PODXL: variants seen among roughly 807,000 people sequenced by gnomAD.
The protein encoded by PODXL is podocalyxin.
Under a neutral mutation model 48.9 loss-of-function variants are expected in PODXL, and 20 were observed. That is an observed-to-expected ratio of 0.41 (90% CI 0.29 to 0.59). The LOEUF (loss-of-function observed/expected upper bound fraction) is 0.59, where lower values mean the gene tolerates loss of function less well. PODXL is among the 20% of genes least tolerant of loss of function. PODXL has a pLI of 0.31. For synonymous variants in PODXL, 295 were observed against 287.4 expected (o/e 1.03, Z -0.27); for missense variants, 606 against 675.1 (o/e 0.90, Z 1.13).
intron 1 of PODXL, among the ~76,000 whole-genome samples, chr7:131,555,051 C>A (rs1620113): frequency 0.069 from 10,475 of 152,204 alleles, 1,180 homozygotes; most frequent in African/African-American, 0.24. Context: ...GATGCCCACG[C>A]CTGCCTGCTC....
chr7:131,504,207 G>A lies in PODXL; in HGVS notation c.*104C>T. 3.3e-6 allele frequency: 3 copies of A among 897,090 alleles called. No homozygotes were observed. In the South Asian group the frequency reaches 4.7e-5, roughly 14 times the overall value. 55.6% of individuals were successfully genotyped at this position (897,090 alleles called of 1,614,324 possible). ...GGGGATTGGGAGGGGACACCCCTCGGAGTTCACTCTCCCTCCCCAGTCTTT... is the reference window on the plus strand; with the variant it reads ...GGGGATTGGGAGGGGACACCCCTCGAAGTTCACTCTCCCTCCCCAGTCTTT... On this transcript the variant is annotated 3_prime_UTR_variant, in exon 9 of 9. Coordinates refer to ENST00000378555, the MANE Select transcript of PODXL (RefSeq NM_001018111.3).
chr7:131,524,379 CAGAGAGAGAGAGAG>C (rs58163575), intron 1 of PODXL, among the ~76,000 whole-genome samples: 7 of 104,052 alleles, frequency 6.7e-5, no homozygotes, highest in East Asian at 2.7e-4. Flanking sequence ...CACACACACA[CAGAGAGAGAGAGAG>C]AGAGAGAGAG....
intron 1 of PODXL, among the ~76,000 whole-genome samples, chr7:131,529,937 C>T: frequency 6.1e-5 from 2 of 32,622 alleles, no homozygotes; most frequent in Non-Finnish European, 4.1e-4. Context: ...CTGGGCCTCC[C>T]TAGGGGTATA....
At position 131,510,958 on chromosome 7, in the gene PODXL, G is replaced by A. The variant is rs1797902200; in HGVS notation, c.576C>T (p.Pro192=). 1 of 1,614,038 alleles carries A rather than the reference G, an allele frequency of 6.2e-7. No individual in the cohort carries two copies. The highest frequency in any genetic ancestry group is 1.3e-5 in the African/African-American group (1 of 74,922). ...HPTSPLSPRQ[P]TSTHPVATPT... is the part of the protein sequence containing the mutation. ...GGGTGGCCACAGGATGCGTCGAAGTGGGTTGTCGGGGGCTAAGTGGACTTG... is the reference window on the plus strand; with the variant it reads ...GGGTGGCCACAGGATGCGTCGAAGTAGGTTGTCGGGGGCTAAGTGGACTTG... The change falls in exon 2 of 9, where the codon CCC becomes CCT. Residue 192 remains proline, a synonymous_variant. Coordinates refer to ENST00000378555, the MANE Select transcript of PODXL (RefSeq NM_001018111.3).
In PODXL at chr7:131,511,118, G is replaced by GCAA; in HGVS notation, c.415_416insTTG (p.Thr138_Ala139insVal). On this transcript the variant is annotated inframe_insertion, in exon 2 of 9. Transcript: ENST00000378555. ...GCTTGTGGTGTTAGGTTTAGCTGTG[G>GCAA]CTGTGGAGGTTGCAACTGTAGTGGT... The GCAA allele has an allele frequency of 1.2e-6, 2 of 1,613,952 alleles. No individual in the cohort carries two copies. The highest frequency in any genetic ancestry group is 1.7e-6 in the Non-Finnish European group (2 of 1,179,998).
intron 8 of PODXL, among the ~76,000 whole-genome samples, chr7:131,505,319 C>T (rs542921392): frequency 6.6e-6 from 1 of 152,198 alleles, no homozygotes; most frequent in Non-Finnish European, 1.5e-5. Context: ...ATCTGACTGA[C>T]TTCCTCAAGG....
chr7:131,521,830 G>T (rs1032668280), intron 1 of PODXL, among the ~76,000 whole-genome samples: 1 of 152,248 alleles, frequency 6.6e-6, no homozygotes, highest in Non-Finnish European at 1.5e-5. Context: ...GAAAACAGCC[G>T]GTGCTGAAAC....
chr7:131,509,524 C>T lies in PODXL; in HGVS notation c.864G>A (p.Thr288=), dbSNP rs553144387. ...QTSSQMPASS[T]APSSQETVQP... ...GCACTGTCTCCTGGGAGGAAGGGGCCGTAGAGCTGGCTGGCATCTGACTGG... is the reference window on the plus strand; with the variant it reads ...GCACTGTCTCCTGGGAGGAAGGGGCTGTAGAGCTGGCTGGCATCTGACTGG... The change falls in exon 4 of 9, where the codon ACG becomes ACA. Residue 288 remains threonine, a synonymous_variant. Transcript: ENST00000378555. The T allele has an allele frequency of 4.1e-5, 66 of 1,603,540 alleles. No homozygotes were observed. Among genetic ancestry groups the T allele is most frequent in the Non-Finnish European group, 5.3e-5 (62 of 1,172,918 alleles).
rs1797700470 is a variant in PODXL at position 131,501,365 on chromosome 7, T to G, written c.*2946A>C. ...ACATTATCAAAAAAATATGTGTATA[T>G]GTATCAGTTTGAACTTGTTCTTCAA... is the stretch of plus-strand genomic sequence containing the variant. On this transcript the variant is annotated 3_prime_UTR_variant, in exon 9 of 9. Coordinates refer to ENST00000378555, the MANE Select transcript of PODXL (RefSeq NM_001018111.3). The G allele has an allele frequency of 6.6e-6, 1 of 152,628 alleles. No individual in the cohort carries two copies. Among genetic ancestry groups the G allele is most frequent in the African/African-American group, 2.4e-5 (1 of 41,454 alleles). The allele number at this position is 152,628 out of a possible 1,614,324, so 9.5% of individuals were successfully genotyped here. A position where few individuals can be genotyped will look rare whatever the true frequency, so the allele number is the denominator to read the frequency against.
intron 1 of PODXL, among the ~76,000 whole-genome samples, chr7:131,555,614 T>C (rs1615131): frequency 0.36 from 54,412 of 152,002 alleles, 10,859 homozygotes; most frequent in African/African-American, 0.52. Flanking sequence ...GAAGCGATTG[T>C]TTTAGGGACA....
intron 1 of PODXL, among the ~76,000 whole-genome samples, chr7:131,524,836 T>G (rs1798154807): frequency 6.6e-6 from 1 of 152,102 alleles, no homozygotes; most frequent in Non-Finnish European, 1.5e-5. Context: ...CACCCAAAAC[T>G]GAGAACCACC....
chr7:131,508,040 C>A (rs1036390455), intron 5 of PODXL, among the ~76,000 whole-genome samples: 2 of 152,172 alleles, frequency 1.3e-5, no homozygotes, highest in Non-Finnish European at 2.9e-5. Flanking sequence ...CGGCACTGAC[C>A]GGGAGAGGGC....
rs35893129 is a variant in PODXL, at chr7:131,509,496, G to A, written c.892C>T (p.Pro298Ser). ...TAPSSQETVQ[P>S]TSPATALRTP... ...CTCAATGCCGTTGCCGGGCTCGTGG[G>A]CTGCACTGTCTCCTGGGAGGAAGGG... is the stretch of plus-strand genomic sequence containing the variant. The change falls in exon 4 of 9, where the codon CCC becomes TCC. Residue 298 changes from proline (P) to serine (S), a missense_variant. Transcript: ENST00000378555. The A allele has an allele frequency of 6.2e-7, 1 of 1,613,482 alleles. No individual in the cohort carries two copies. The highest frequency in any genetic ancestry group is 2.2e-5 in the East Asian group (1 of 44,866).
At chr7:131,506,764 G>C (rs1022548782) in intron 5 of PODXL, 38 bp from the exon 6 acceptor site, 1 of 1,605,870 alleles carries the variant, frequency 6.2e-7, no homozygotes, top group African/African-American at 1.4e-5. Flanking sequence ...CGCGGGGAGC[G>C]TGACAGCAGC....
rs923649675 is a variant in PODXL, at chr7:131,500,641, A to G, written c.*3670T>C. 6.6e-6 allele frequency: 1 copy of G among 152,240 alleles called. No homozygotes were observed. Among genetic ancestry groups the G allele is most frequent in the African/African-American group, 2.4e-5 (1 of 41,464 alleles). 9.4% of individuals were successfully genotyped at this position (152,240 alleles called of 1,614,324 possible). On this transcript the variant is annotated 3_prime_UTR_variant, in exon 9 of 9. Transcript: ENST00000378555. The stretch of plus-strand genomic sequence containing the variant: ...TGTTGGAGTAAGTTCCATATATAAA[A>G]GCTCATCCAAAACTTTGTTTCTTGG...
chr7:131,550,644 A>AT (rs2116871033), intron 1 of PODXL, among the ~76,000 whole-genome samples: 1 of 152,228 alleles, frequency 6.6e-6, no homozygotes, highest in South Asian at 2.1e-4. Flanking sequence ...TCAGAACAAA[A>AT]AGAAGTAAAA....
At position 131,506,323 on chromosome 7, in the gene PODXL, T is replaced by C. The variant is rs1192492012; in HGVS notation, c.1250-2A>G. The stretch of plus-strand genomic sequence containing the variant: ...ACACATCCTTGGCAGGGAGCTTAGC[T>C]GTGGGAGAGGGAGACGATGCCCAAT... On this transcript the variant is annotated splice_acceptor_variant, in intron 6 of 8. Transcript: ENST00000378555. LOFTEE classifies it high-confidence loss of function. 3.1e-6 allele frequency: 5 copies of C among 1,614,054 alleles called. No homozygotes were observed. Among genetic ancestry groups the C allele is most frequent in the Non-Finnish European group, 4.2e-6 (5 of 1,180,008 alleles).
chr7:131,553,236 A>G (rs1324510652), intron 1 of PODXL, among the ~76,000 whole-genome samples: 1 of 152,160 alleles, frequency 6.6e-6, no homozygotes, highest in Admixed American at 6.5e-5. Flanking sequence ...ATTAGGAAAC[A>G]CTGACCCTTT....
At chr7:131,540,696 C>A (rs1437397673) in intron 1 of PODXL, among the ~76,000 whole-genome samples, 2 of 152,190 alleles carry the variant, frequency 1.3e-5, no homozygotes, top group Non-Finnish European at 2.9e-5. Flanking sequence ...CGTTGTCTTT[C>A]CCACGCCACC....
Sources: gnomAD v4.1 joint callset for allele counts (sites outside exome capture counted in the v4.1 genomes callset) on GRCh38, gnomAD v4.1.1 for gene constraint, MANE v1.5 for transcripts, NCBI Gene and HGNC (gene_info 2026-07-23, HGNC 2026-07-21) for gene names.